The following KCNB2 variants were observed in gnomAD, a reference collection of about 807,000 sequenced individuals.
KCNB2 encodes the protein delayed rectifier potassium channel protein.
In KCNB2, 15 loss-of-function variants were observed where a neutral mutation model predicts 61.5. The ratio of observed to expected loss-of-function variants is 0.24; its 90% CI spans 0.16 to 0.38. The LOEUF (loss-of-function observed/expected upper bound fraction) is 0.38, where lower values mean the gene tolerates loss of function less well. Ranked by LOEUF, KCNB2 falls within the 10% of genes least tolerant of loss-of-function variation. The pLI, the probability that KCNB2 is intolerant of heterozygous loss-of-function variation, is 1.00. For missense variants in KCNB2, 828 were observed against 1,125.2 expected (o/e 0.74, Z 3.78); for synonymous variants, 457 against 446.0 (o/e 1.02, Z -0.31).
intron 2 of KCNB2, among the ~76,000 whole-genome samples, chr8:72,578,066 G>A (rs1806826080): frequency 6.6e-6 from 1 of 152,146 alleles, no homozygotes; most frequent in Non-Finnish European, 1.5e-5. Flanking sequence ...GTACATTCAT[G>A]TCAGAGCATG....
chr8:72,579,430 G>A (rs1218765990), intron 2 of KCNB2, among the ~76,000 whole-genome samples: 1 of 152,132 alleles, frequency 6.6e-6, no homozygotes, highest in East Asian at 1.9e-4. Flanking sequence ...CTATAAAGAA[G>A]GTGTGTGTTT....
intron 2 of KCNB2, among the ~76,000 whole-genome samples, chr8:72,651,294 C>A (rs1399028524): frequency 6.6e-6 from 1 of 151,938 alleles, no homozygotes; most frequent in Non-Finnish European, 1.5e-5. Context: ...ATTATTTCTG[C>A]TAGTAAATAA....
intron 2 of KCNB2, among the ~76,000 whole-genome samples, chr8:72,732,895 C>T (rs113569292): frequency 4.8e-4 from 73 of 152,174 alleles, no homozygotes; most frequent in South Asian, 1.0e-3. Context: ...CTGTGGCTCA[C>T]CTCTCTCCCC....
At chr8:72,745,954 G>A (rs910253224) in intron 2 of KCNB2, among the ~76,000 whole-genome samples, 1 of 152,070 alleles carries the variant, frequency 6.6e-6, no homozygotes, top group Non-Finnish European at 1.5e-5. Flanking sequence ...TACCTCCCAA[G>A]AACCAAGGAC....
intron 2 of KCNB2, among the ~76,000 whole-genome samples, chr8:72,775,191 C>T (rs1808627974): frequency 1.3e-5 from 2 of 152,154 alleles, no homozygotes; most frequent in African/African-American, 4.8e-5. Flanking sequence ...AGCCTGCAGT[C>T]CTTCCCTGGA....
At position 72,659,875 on chromosome 8, in the gene KCNB2, ACT is replaced by A. The variant is rs138334224; in HGVS notation, c.579+91565_579+91566del. 2.6e-3 allele frequency among the ~76,000 whole-genome samples: 403 copies of A among 152,278 alleles called. 1 individual carries two copies. The highest frequency in any genetic ancestry group is 9.0e-3 in the African/African-American group (376 of 41,556). On this transcript the variant is annotated intron_variant, in intron 2 of 2. Transcript: ENST00000523207. ...CACTTCATAGTATAGTGTAAACATA[ACT>A]CTTTTGTACACTGGAAAAACAAGAA...
chr8:72,873,970 T>TA (rs1458586822), intron 2 of KCNB2, among the ~76,000 whole-genome samples: 1 of 152,246 alleles, frequency 6.6e-6, no homozygotes, highest in East Asian at 1.9e-4. Context: ...TGATAGCAGA[T>TA]AGAGTGTCAT....
At chr8:72,783,383 T>C (rs2128998100) in intron 2 of KCNB2, among the ~76,000 whole-genome samples, 1 of 152,262 alleles carries the variant, frequency 6.6e-6, no homozygotes, top group East Asian at 1.9e-4. Context: ...ACTTTTTTCA[T>C]GCTGCTTCTC....
intron 1 of KCNB2, among the ~76,000 whole-genome samples, chr8:72,550,829 C>T (rs1310636466): frequency 6.6e-6 from 1 of 152,170 alleles, no homozygotes; most frequent in South Asian, 2.1e-4. Flanking sequence ...AGACTTTCTT[C>T]CTAGGGAATG....
chr8:72,789,650 C>G (rs1008425151), intron 2 of KCNB2, among the ~76,000 whole-genome samples: 3 of 152,082 alleles, frequency 2.0e-5, no homozygotes, highest in Non-Finnish European at 1.5e-5. Context: ...GCTTTATCCT[C>G]AAGACATCAG....
intron 2 of KCNB2, among the ~76,000 whole-genome samples, chr8:72,687,955 ACAGTTCAGGC>A (rs1480688518): frequency 7.9e-5 from 12 of 152,170 alleles, no homozygotes; most frequent in African/African-American, 2.7e-4. Context: ...GCTATGGAGC[ACAGTTCAGGC>A]CAGAGTCTGT....
chr8:72,855,992 G>A lies in KCNB2; in HGVS notation c.580-79943G>A, dbSNP rs142961370. Among the ~76,000 whole-genome samples, 865 of 152,196 alleles carry A rather than the reference G, an allele frequency of 5.7e-3. 8 individuals carry two copies. The highest frequency in any genetic ancestry group is 0.02 in the African/African-American group (818 of 41,524). ...CTGAAGATAGTTGTTACAGTGAATC[G>A]TTTAGAGAATAACAAGAAAACAAGT... is the stretch of plus-strand genomic sequence containing the variant. On this transcript the variant is annotated intron_variant, in intron 2 of 2. Transcript: ENST00000523207.
At chr8:72,687,916 T>C (rs1806877548) in intron 2 of KCNB2, among the ~76,000 whole-genome samples, 1 of 152,132 alleles carries the variant, frequency 6.6e-6, no homozygotes, top group Non-Finnish European at 1.5e-5. Flanking sequence ...AAGCAGGGGA[T>C]CCTACATGGG....
intron 2 of KCNB2, among the ~76,000 whole-genome samples, chr8:72,705,049 G>T (rs892471789): frequency 2.0e-5 from 3 of 152,086 alleles, no homozygotes; most frequent in Admixed American, 6.5e-5. Context: ...TGGGTACAGA[G>T]GGCTGACTGT....
intron 2 of KCNB2, among the ~76,000 whole-genome samples, chr8:72,697,122 A>C (rs191674217): frequency 6.6e-6 from 1 of 152,182 alleles, no homozygotes; most frequent in African/African-American, 2.4e-5. Context: ...GCCTATAATC[A>C]AACTAAACAG....
intron 2 of KCNB2, among the ~76,000 whole-genome samples, chr8:72,807,685 A>T (rs1010292671): frequency 6.6e-6 from 1 of 152,232 alleles, no homozygotes; most frequent in African/African-American, 2.4e-5. Context: ...AGAAAACACC[A>T]TCTAGATGAC....
Position 72,868,075 on chromosome 8 carries a change from ATT to A in KCNB2, c.580-67848_580-67847del, listed in dbSNP as rs760574895. On this transcript the variant is annotated intron_variant, in intron 2 of 2. Coordinates refer to ENST00000523207, the MANE Select transcript of KCNB2 (RefSeq NM_004770.3). ...TTTTGGGTTTTTTTTTTTATTATTT[ATT>A]TTTTTTTTTTTAGAGACAGGGTCTC... 1.5e-4 allele frequency among the ~76,000 whole-genome samples: 20 copies of A among 135,412 alleles called. 1 individual carries two copies. The highest frequency in any genetic ancestry group is 4.0e-4 in the African/African-American group (15 of 37,066). The allele number at this position is 135,412 out of a possible 152,430, so 88.8% of individuals were successfully genotyped here. A position where few individuals can be genotyped will look rare whatever the true frequency, so the allele number is the denominator to read the frequency against.
At chr8:72,704,530 TGTGTGTG>T (rs1389120771) in intron 2 of KCNB2, among the ~76,000 whole-genome samples, 3 of 133,306 alleles carry the variant, frequency 2.3e-5, no homozygotes, top group Non-Finnish European at 4.6e-5. Context: ...TGTGTGTGTG[TGTGTGTG>T]TATTGGTGAA....
chr8:72,749,748 G>A (rs1390506261), intron 2 of KCNB2, among the ~76,000 whole-genome samples: 1 of 144,002 alleles, frequency 6.9e-6, no homozygotes, highest in African/African-American at 2.5e-5. Flanking sequence ...TTACTTTTTT[G>A]TATATGCCAA....
Sources: allele counts gnomAD v4.1 joint callset (sites outside exome capture counted in the v4.1 genomes callset), GRCh38; gene constraint gnomAD v4.1.1; transcripts MANE v1.5; gene names NCBI Gene and HGNC (gene_info 2026-07-23, HGNC 2026-07-21).